Variants in TRPC4 observed in about 807,000 individuals in gnomAD.
TRPC4 encodes the protein short transient receptor potential channel 4.
In TRPC4, 49 loss-of-function variants were observed where a neutral mutation model predicts 99.4. The observed-to-expected ratio is 0.49, with a 90% confidence interval of 0.39 to 0.63. The LOEUF is 0.63. Ranked by LOEUF, TRPC4 falls within the 20% of genes least tolerant of loss-of-function variation. The pLI is 0.00. For missense variants in TRPC4, 898 were observed against 1,152.9 expected (o/e 0.78, Z 3.20); for synonymous variants, 454 against 425.9 (o/e 1.07, Z -0.81).
At chr13:37,640,014 G>T (rs1416677036) in intron 8 of TRPC4, among the ~76,000 whole-genome samples, 1 of 151,748 alleles carries the variant, frequency 6.6e-6, no homozygotes, top group Non-Finnish European at 1.5e-5. Flanking sequence ...ATCCCATTAT[G>T]AGTTGAGTGA....
At chr13:37,712,779 CA>C (rs1203500419) in intron 3 of TRPC4, among the ~76,000 whole-genome samples, 7 of 152,104 alleles carry the variant, frequency 4.6e-5, no homozygotes, top group Non-Finnish European at 8.8e-5. Flanking sequence ...AAATAGATGT[CA>C]GGGGGGCCAA....
In TRPC4 at chr13:37,773,182, T is replaced by C. The variant is rs539563435; in HGVS notation, c.378+9774A>G. On this transcript the variant is annotated intron_variant, in intron 2 of 10. Transcript: ENST00000379705. Reference sequence around the variant, plus strand: ...CTGCTTGGTGGCCAAGTTTTACTTCTAGACCTGTTCAAAAGAGCTTAGGTT... The same window carrying C: ...CTGCTTGGTGGCCAAGTTTTACTTCCAGACCTGTTCAAAAGAGCTTAGGTT... 5.3e-5 allele frequency among the ~76,000 whole-genome samples: 8 copies of C among 151,848 alleles called. No individual in the cohort carries two copies. The South Asian group carries it at 1.5e-3, about 28-fold the overall frequency.
rs536969785 is a variant in TRPC4, at chr13:37,648,059, C to T, written c.2079+3206G>A. ...CCGGGTTCAAGCGATTCTTCTTCCTCAGCCTCCTGAGTAGCTGGGACTACA... is the reference window on the plus strand; with the variant it reads ...CCGGGTTCAAGCGATTCTTCTTCCTTAGCCTCCTGAGTAGCTGGGACTACA... On this transcript the variant is annotated intron_variant, in intron 8 of 10. Coordinates refer to ENST00000379705, the MANE Select transcript of TRPC4 (RefSeq NM_016179.4). 2.0e-5 allele frequency among the ~76,000 whole-genome samples: 3 copies of T among 152,288 alleles called. No homozygotes were observed. The South Asian group carries it at 6.2e-4, about 32-fold the overall frequency.
At chr13:37,639,220 T>C (rs754916162) in intron 9 of TRPC4, 38 bp downstream of exon 9, 2 of 1,613,390 alleles carry the variant, frequency 1.2e-6, no homozygotes, top group Non-Finnish European at 1.7e-6. Flanking sequence ...CATTTTATTT[T>C]AGTGAAAATT....
chr13:37,799,730 T>C (rs764168675), intron 1 of TRPC4, among the ~76,000 whole-genome samples: 6 of 152,198 alleles, frequency 3.9e-5, no homozygotes, highest in Admixed American at 2.0e-4. Context: ...TGCAATCACA[T>C]TGTAATCCAA....
chr13:37,857,873 A>G (rs1959186721), intron 1 of TRPC4, among the ~76,000 whole-genome samples: 1 of 151,738 alleles, frequency 6.6e-6, no homozygotes, highest in African/African-American at 2.4e-5. Flanking sequence ...GTTTTGAGTA[A>G]TACCCCGCAA....
chr13:37,743,783 G>A (rs751182829), intron 3 of TRPC4, among the ~76,000 whole-genome samples: 20 of 152,126 alleles, frequency 1.3e-4, no homozygotes, highest in Non-Finnish European at 2.5e-4. Flanking sequence ...TCTTTGACAG[G>A]AATTTGGCAG....
chr13:37,787,323 T>C (rs753693351), intron 1 of TRPC4, among the ~76,000 whole-genome samples: 67 of 152,098 alleles, frequency 4.4e-4, no homozygotes, highest in Non-Finnish European at 7.7e-4. Flanking sequence ...ATCACACATA[T>C]GTAAGTTGCA....
At chr13:37,729,090 A>G (rs1305498281) in intron 3 of TRPC4, among the ~76,000 whole-genome samples, 1 of 152,100 alleles carries the variant, frequency 6.6e-6, no homozygotes, top group East Asian at 1.9e-4. Context: ...GTAGAACATA[A>G]ACTTCACGAT....
chr13:37,845,134 G>A (rs1958856829), intron 1 of TRPC4, among the ~76,000 whole-genome samples: 1 of 152,156 alleles, frequency 6.6e-6, no homozygotes, highest in Non-Finnish European at 1.5e-5. Context: ...CAACCTTAAG[G>A]TCTGTTTGGG....
chr13:37,683,493 T>G (rs1046472631), intron 4 of TRPC4, among the ~76,000 whole-genome samples: 2 of 151,618 alleles, frequency 1.3e-5, no homozygotes, highest in Non-Finnish European at 2.9e-5. Flanking sequence ...GTTACAGGAG[T>G]GGAGGGACTG....
intron 3 of TRPC4, among the ~76,000 whole-genome samples, chr13:37,731,200 T>C (rs141883101): frequency 1.5e-3 from 228 of 152,196 alleles, no homozygotes; most frequent in Non-Finnish European, 2.7e-3. Flanking sequence ...AATAATCTAT[T>C]ATTAGCACTA....
intron 1 of TRPC4, among the ~76,000 whole-genome samples, chr13:37,835,103 CAAAAT>C (rs1958530360): frequency 6.6e-6 from 1 of 151,184 alleles, no homozygotes; most frequent in Admixed American, 6.6e-5. Context: ...CAAAACAAAA[CAAAAT>C]AAAAGCACAT....
chr13:37,722,250 C>A (rs1359261922), intron 3 of TRPC4, among the ~76,000 whole-genome samples: 1 of 152,118 alleles, frequency 6.6e-6, no homozygotes, highest in Non-Finnish European at 1.5e-5. Flanking sequence ...ACTATCTAGC[C>A]ACATCAGCCC....
Position 37,662,203 on chromosome 13 carries a change from G to A in TRPC4, c.1688+1213C>T, listed in dbSNP as rs9548006. Among the ~76,000 whole-genome samples the A allele has an allele frequency of 2.5e-3, 378 of 152,050 alleles. 1 individual carries two copies. The highest frequency in any genetic ancestry group is 5.4e-3 in the Admixed American group (82 of 15,270). Reference sequence around the variant, plus strand: ...TGGGTGCCTGTAGCCCCAGCTACTCGGGAGGCTGAAGCAGGAGAATCACTT... The same window carrying A: ...TGGGTGCCTGTAGCCCCAGCTACTCAGGAGGCTGAAGCAGGAGAATCACTT... On this transcript the variant is annotated intron_variant, in intron 6 of 10. Coordinates refer to ENST00000379705, the MANE Select transcript of TRPC4 (RefSeq NM_016179.4).
intron 1 of TRPC4, among the ~76,000 whole-genome samples, chr13:37,847,889 A>C (rs951676485): frequency 3.9e-5 from 6 of 152,266 alleles, no homozygotes; most frequent in Admixed American, 3.9e-4. Flanking sequence ...GGGAAGCTGA[A>C]GGAAATGGGG....
intron 1 of TRPC4, among the ~76,000 whole-genome samples, chr13:37,847,746 A>G (rs1373713273): frequency 6.6e-6 from 1 of 152,112 alleles, no homozygotes; most frequent in African/African-American, 2.4e-5. Context: ...CCAAGCAAAG[A>G]AAGACAAATA....
At chr13:37,646,382 T>C (rs1951861475) in intron 8 of TRPC4, among the ~76,000 whole-genome samples, 1 of 152,218 alleles carries the variant, frequency 6.6e-6, no homozygotes, top group Non-Finnish European at 1.5e-5. Context: ...TTCGGTATGG[T>C]AACATATAAA....
intron 5 of TRPC4, among the ~76,000 whole-genome samples, 166 bp downstream of exon 5, chr13:37,674,062 A>G (rs1174175209): frequency 6.6e-6 from 1 of 152,138 alleles, no homozygotes; most frequent in African/African-American, 2.4e-5. Flanking sequence ...CTATGCATTT[A>G]TTTATGTATT....
Sources: gnomAD v4.1 joint callset for allele counts (sites outside exome capture counted in the v4.1 genomes callset) on GRCh38, gnomAD v4.1.1 for gene constraint, MANE v1.5 for transcripts, NCBI Gene and HGNC (gene_info 2026-07-23, HGNC 2026-07-21) for gene names.